DCUN1D1: variants seen among roughly 807,000 people sequenced by gnomAD.
DCUN1D1 encodes defective in cullin neddylation 1 domain containing 1.
DCUN1D1 carries 3 observed loss-of-function variants against 39.0 expected under a neutral mutation model. The observed-to-expected ratio is 0.08, with a 90% CI of 0.04 to 0.20. The LOEUF (loss-of-function observed/expected upper bound fraction) is 0.20. DCUN1D1 is among the 10% of genes least tolerant of loss of function. The probability of loss-of-function intolerance (pLI) is 1.00; values close to 1 mark genes in which losing one functional copy is unlikely to be tolerated. For synonymous variants in DCUN1D1, 82 were observed against 96.3 expected, an observed-to-expected ratio of 0.85 and a Z score of 0.87; for missense variants, 158 against 302.4, an observed-to-expected ratio of 0.52 and a Z score of 3.54.
chr3:182,980,482 C>A lies in DCUN1D1; in HGVS notation c.3+5G>T. The A allele has an allele frequency of 8.2e-7, 1 of 1,220,656 alleles. No individual in the cohort carries two copies. The highest frequency in any genetic ancestry group is 1.0e-6 in the Non-Finnish European group (1 of 961,538). 75.6% of individuals were successfully genotyped at this position (1,220,656 alleles called of 1,614,324 possible). A position where few individuals can be genotyped will look rare whatever the true frequency, so the allele number is the denominator to read the frequency against. ...CAGGGCGGGCGGGCGGCCGCAGTGCCTCACCATGTTGGTGTCCTCCAGGCC... is the reference window on the plus strand; with the variant it reads ...CAGGGCGGGCGGGCGGCCGCAGTGCATCACCATGTTGGTGTCCTCCAGGCC... On this transcript the variant is annotated splice_donor_5th_base_variant and intron_variant, in intron 1 of 6. Transcript: ENST00000292782.
At chr3:182,980,056 GGC>G in intron 1 of DCUN1D1, 1 of 649,566 alleles carries the variant, frequency 1.5e-6, no homozygotes, top group Non-Finnish European at 1.9e-6. Context: ...CCGGCTTCGG[GGC>G]GGGGGGAGGC....
chr3:182,972,050 GTTTTTTTTTTT>G (rs397877483), intron 1 of DCUN1D1, among the ~76,000 whole-genome samples: 1 of 108,876 alleles, frequency 9.2e-6, no homozygotes, highest in South Asian at 3.4e-4. Context: ...TCTATTTAGG[GTTTTTTTTTTT>G]TTTTTTTTTT....
chr3:182,979,422 GACA>G (rs1242784756), intron 1 of DCUN1D1, among the ~76,000 whole-genome samples: 2 of 152,090 alleles, frequency 1.3e-5, no homozygotes, highest in South Asian at 2.1e-4. Context: ...ACGAGCAAAG[GACA>G]ACAATATCAT....
chr3:182,960,493 G>A (rs1227501403), intron 4 of DCUN1D1, among the ~76,000 whole-genome samples: 1 of 151,928 alleles, frequency 6.6e-6, no homozygotes, highest in African/African-American at 2.4e-5. Flanking sequence ...ATCTTCCCTC[G>A]TTCAGCCAAA....
intron 1 of DCUN1D1, among the ~76,000 whole-genome samples, chr3:182,967,445 C>A (rs1727730118): frequency 6.6e-6 from 1 of 152,128 alleles, no homozygotes; most frequent in South Asian, 2.1e-4. Context: ...ACAGTAAAAA[C>A]AAGACTATGC....
In DCUN1D1 at chr3:182,939,678, TGCGTGGG is replaced by T. The variant is rs1352128211; in HGVS notation, c.*5409_*5415del. 6.6e-6 allele frequency: 1 copy of T among 152,376 alleles called. No homozygotes were observed. The highest frequency in any genetic ancestry group is 1.5e-5 in the Non-Finnish European group (1 of 68,044). 9.4% of individuals were successfully genotyped at this position (152,376 alleles called of 1,614,324 possible). ...TGTACAGAAAGCAGATCAGTGTGGCTGCGTGGGGCTGGAGGCAGGAGCAAATTAACCG... is the reference window on the plus strand; with the variant it reads ...TGTACAGAAAGCAGATCAGTGTGGCTGCTGGAGGCAGGAGCAAATTAACCG... On this transcript the variant is annotated 3_prime_UTR_variant, in exon 7 of 7. Transcript: ENST00000292782.
At chr3:182,972,361 G>T (rs1043850826) in intron 1 of DCUN1D1, among the ~76,000 whole-genome samples, 1 of 152,026 alleles carries the variant, frequency 6.6e-6, no homozygotes, top group African/African-American at 2.4e-5. Flanking sequence ...TAAGCAAAAC[G>T]AACAAAACCC....
chr3:182,978,910 T>C (rs1016152462), intron 1 of DCUN1D1, among the ~76,000 whole-genome samples: 1 of 152,200 alleles, frequency 6.6e-6, no homozygotes, highest in Non-Finnish European at 1.5e-5. Context: ...GTGATGAGTA[T>C]TTCCGGGACC....
upstream of DCUN1D1, among the ~76,000 whole-genome samples, chr3:182,983,566 G>A (rs1448989394): frequency 6.6e-6 from 1 of 152,130 alleles, no homozygotes; most frequent in African/African-American, 2.4e-5. Flanking sequence ...AATTAACCGG[G>A]CATGGTTGCG....
intron 1 of DCUN1D1, among the ~76,000 whole-genome samples, chr3:182,979,601 C>T (rs79443205): frequency 0.011 from 174 of 16,500 alleles, no homozygotes; most frequent in Non-Finnish European, 0.037. Flanking sequence ...AGGACTTTTT[C>T]CCCCCCCCAA....
chr3:182,958,096 G>A (rs1321515593), intron 4 of DCUN1D1, among the ~76,000 whole-genome samples: 2 of 151,696 alleles, frequency 1.3e-5, no homozygotes, highest in East Asian at 3.9e-4. Flanking sequence ...ATTCCTCTCT[G>A]CCAAATCTTG....
Position 182,944,946 on chromosome 3 carries a change from A to T in DCUN1D1, c.*148T>A. ...AGAAGAATGAAATACGATATGGTCC[A>T]AGATGTATCCTTAAAGTTTTGTCTC... On this transcript the variant is annotated 3_prime_UTR_variant, in exon 7 of 7. Coordinates refer to ENST00000292782, the MANE Select transcript of DCUN1D1 (RefSeq NM_020640.4). 1.5e-6 allele frequency: 1 copy of T among 656,588 alleles called. No homozygotes were observed. The highest frequency in any genetic ancestry group is 2.6e-6 in the Non-Finnish European group (1 of 381,272). The allele number at this position is 656,588 out of a possible 1,614,324, so 40.7% of individuals were successfully genotyped here. A position where few individuals can be genotyped will look rare whatever the true frequency, so the allele number is the denominator to read the frequency against.
At chr3:182,959,713 GC>G (rs1560170731) in intron 4 of DCUN1D1, among the ~76,000 whole-genome samples, 1 of 152,138 alleles carries the variant, frequency 6.6e-6, no homozygotes, top group African/African-American at 2.4e-5. Flanking sequence ...ATGAGGCAGT[GC>G]TATGGTTTGG....
In DCUN1D1 at chr3:182,944,313, T is replaced by C. The variant is rs1468565859; in HGVS notation, c.*781A>G. ...AAGTCCAATTATGTAGTGCATAATGTAGACAGGAGAAGAATCTAACATTAT... is the reference window on the plus strand; with the variant it reads ...AAGTCCAATTATGTAGTGCATAATGCAGACAGGAGAAGAATCTAACATTAT... On this transcript the variant is annotated 3_prime_UTR_variant, in exon 7 of 7. Coordinates refer to ENST00000292782, the MANE Select transcript of DCUN1D1 (RefSeq NM_020640.4). 1 of 152,618 alleles carries C rather than the reference T, an allele frequency of 6.6e-6. No individual in the cohort carries two copies. The highest frequency in any genetic ancestry group is 1.5e-5 in the Non-Finnish European group (1 of 68,028). 9.5% of individuals were successfully genotyped at this position (152,618 alleles called of 1,614,324 possible).
chr3:182,972,770 G>A (rs1288376332), intron 1 of DCUN1D1, among the ~76,000 whole-genome samples: 3 of 152,228 alleles, frequency 2.0e-5, no homozygotes, highest in Admixed American at 1.3e-4. Context: ...GCTGGGCGCA[G>A]TGGCTCACAC....
In DCUN1D1 at chr3:182,980,482, C is replaced by T; in HGVS notation, c.3+5G>A. On this transcript the variant is annotated splice_donor_5th_base_variant and intron_variant, in intron 1 of 6. Transcript: ENST00000292782. ...CAGGGCGGGCGGGCGGCCGCAGTGC[C>T]TCACCATGTTGGTGTCCTCCAGGCC... 5 of 1,220,656 alleles carry T rather than the reference C, an allele frequency of 4.1e-6. No individual in the cohort carries two copies. Among genetic ancestry groups the T allele is most frequent in the Admixed American group, 2.9e-5 (1 of 34,872 alleles). 75.6% of individuals were successfully genotyped at this position (1,220,656 alleles called of 1,614,324 possible).
chr3:182,980,070 A>T, intron 1 of DCUN1D1: 1 of 812,272 alleles, frequency 1.2e-6, no homozygotes, highest in Non-Finnish European at 1.5e-6. Context: ...GGGGGAGGCT[A>T]CTCACCCGGA....
chr3:182,970,711 G>T (rs772643543), intron 1 of DCUN1D1, among the ~76,000 whole-genome samples: 1 of 152,160 alleles, frequency 6.6e-6, no homozygotes, highest in South Asian at 2.1e-4. Context: ...TCTGTATGTT[G>T]TTATGTAATT....
At chr3:182,963,237 G>A (rs1414876357) in intron 3 of DCUN1D1, among the ~76,000 whole-genome samples, 1 of 152,172 alleles carries the variant, frequency 6.6e-6, no homozygotes, top group Non-Finnish European at 1.5e-5. Flanking sequence ...AAAAGTTGCT[G>A]TGAAGAGGTA....
Sources: allele counts gnomAD v4.1 joint callset (sites outside exome capture counted in the v4.1 genomes callset), GRCh38; gene constraint gnomAD v4.1.1; transcripts MANE v1.5; gene names NCBI Gene and HGNC (gene_info 2026-07-23, HGNC 2026-07-21).